Variants in CRACDL observed in about 807,000 individuals in gnomAD.
CRACDL encodes the protein CRACD-like protein.
Under a neutral mutation model 70.6 loss-of-function variants are expected in CRACDL, and 26 were observed. That is an observed-to-expected ratio of 0.37 (90% CI 0.27 to 0.51). CRACDL has a LOEUF of 0.51. CRACDL is among the 20% of genes least tolerant of loss of function. CRACDL has a pLI of 0.94. For synonymous variants in CRACDL, 618 were observed against 615.2 expected (o/e 1.00, Z -0.07); for missense variants, 1,283 against 1,376.9 (o/e 0.93, Z 1.08).
Position 98,822,140 on chromosome 2 carries a change from G to T in CRACDL, c.2133C>A (p.Ala711=). 1 of 1,600,934 alleles carries T rather than the reference G, an allele frequency of 6.2e-7. No individual in the cohort carries two copies. ...TCAGCGACCTTTCTAACCGGACCTCGGCACTGTACCTCTTCACACCCTTCA... is the reference window on the plus strand; with the variant it reads ...TCAGCGACCTTTCTAACCGGACCTCTGCACTGTACCTCTTCACACCCTTCA... The part of the protein sequence containing the change: ...QEVKGVKRYS[A]EVRLERSLTV... Residue 711 remains alanine (A), a synonymous_variant, in exon 7 of 10, where the codon GCC becomes GCA. Coordinates refer to ENST00000397899, the MANE Select transcript of CRACDL (RefSeq NM_207362.3). The surrounding 1 kb of genome is among the most constrained non-coding windows in gnomAD (Gnocchi z 4.9).
chr2:98,816,125 A>G (rs1299278201), intron 7 of CRACDL, among the ~76,000 whole-genome samples: 2 of 152,200 alleles, frequency 1.3e-5, no homozygotes, highest in African/African-American at 4.8e-5. Flanking sequence ...CACCAGTGGC[A>G]GAGCGCAGAG....
chr2:98,851,247 T>C (rs1187321005), intron 1 of CRACDL, among the ~76,000 whole-genome samples: 1 of 152,196 alleles, frequency 6.6e-6, no homozygotes, highest in African/African-American at 2.4e-5. Flanking sequence ...GTGAGTGCTA[T>C]GCCTATTATA....
At chr2:98,892,341 T>C (rs1331666139) in intron 1 of CRACDL, among the ~76,000 whole-genome samples, 1 of 151,972 alleles carries the variant, frequency 6.6e-6, no homozygotes, top group Non-Finnish European at 1.5e-5. Context: ...AGAAATGAGG[T>C]AGATCTATTT....
At chr2:98,931,082 C>T (rs550310946) in intron 1 of CRACDL, among the ~76,000 whole-genome samples, 2 of 152,080 alleles carry the variant, frequency 1.3e-5, no homozygotes, top group East Asian at 1.9e-4. Flanking sequence ...CCCAGCACTT[C>T]GGGAGGCCAT....
Position 98,794,308 on chromosome 2 carries a change from A to G in CRACDL, c.*224T>C, listed in dbSNP as rs1575309575. 8 of 440,246 alleles carry G rather than the reference A, an allele frequency of 1.8e-5. No individual in the cohort carries two copies. In the East Asian group the frequency reaches 2.8e-4, roughly 15 times the overall value. 27.3% of individuals were successfully genotyped at this position (440,246 alleles called of 1,614,324 possible). A position where few individuals can be genotyped will look rare whatever the true frequency, so the allele number is the denominator to read the frequency against. On this transcript the variant is annotated 3_prime_UTR_variant, in exon 10 of 10. Transcript: ENST00000397899. ...TTTGGGCACAGGAACTGGTTCCTGGACTTTTTCAATGTTGTTCTTGTTTCT... is the reference window on the plus strand; with the variant it reads ...TTTGGGCACAGGAACTGGTTCCTGGGCTTTTTCAATGTTGTTCTTGTTTCT...
At chr2:98,915,009 G>C (rs866155305) in intron 1 of CRACDL, among the ~76,000 whole-genome samples, 4 of 152,364 alleles carry the variant, frequency 2.6e-5, no homozygotes, top group Middle Eastern at 6.8e-3. Context: ...AGAAGACCCA[G>C]GGTCTTGGCA....
At chr2:98,905,263 A>AG (rs1258973294) in intron 1 of CRACDL, among the ~76,000 whole-genome samples, 3 of 120,498 alleles carry the variant, frequency 2.5e-5, no homozygotes, top group African/African-American at 3.8e-5. Flanking sequence ...AAAAAAAAAA[A>AG]AAAGAGAGGC....
chr2:98,864,949 T>C (rs1314398728), intron 1 of CRACDL, among the ~76,000 whole-genome samples: 1 of 152,222 alleles, frequency 6.6e-6, no homozygotes, highest in East Asian at 1.9e-4. Flanking sequence ...AAAGAAAAGT[T>C]GATACAATTT....
At chr2:98,817,195 G>A (rs1171017255) in intron 7 of CRACDL, among the ~76,000 whole-genome samples, 1 of 152,156 alleles carries the variant, frequency 6.6e-6, no homozygotes, top group Non-Finnish European at 1.5e-5. Flanking sequence ...ATGAGGAGCT[G>A]GGCGGGGGAG....
At chr2:98,873,549 G>T (rs1412358432) in intron 1 of CRACDL, among the ~76,000 whole-genome samples, 2 of 152,228 alleles carry the variant, frequency 1.3e-5, no homozygotes, top group South Asian at 4.1e-4. Context: ...CAGAACTGGA[G>T]TCCCTCTGGG....
intron 1 of CRACDL, among the ~76,000 whole-genome samples, chr2:98,916,084 A>C (rs1357615344): frequency 1.3e-5 from 2 of 152,252 alleles, no homozygotes; most frequent in Non-Finnish European, 2.9e-5. Context: ...GCATGCTTAC[A>C]AAAAGGGGAG....
At chr2:98,800,470 A>G (rs1240716396) in intron 7 of CRACDL, among the ~76,000 whole-genome samples, 1 of 152,204 alleles carries the variant, frequency 6.6e-6, no homozygotes, top group Non-Finnish European at 1.5e-5. Context: ...TGTGTGGAGA[A>G]TCAGTCTGAC....
At chr2:98,916,513 T>A (rs868195847) in intron 1 of CRACDL, among the ~76,000 whole-genome samples, 94 of 152,166 alleles carry the variant, frequency 6.2e-4, no homozygotes, top group Admixed American at 1.6e-3. Context: ...CTGTTTTTTT[T>A]AAAAAATGCT....
chr2:98,873,825 G>A (rs1471023680), intron 1 of CRACDL, among the ~76,000 whole-genome samples: 1 of 151,958 alleles, frequency 6.6e-6, no homozygotes, highest in Non-Finnish European at 1.5e-5. Context: ...GGCCAACATG[G>A]AGAAACCCCA....
intron 1 of CRACDL, 106 bp from the exon 2 acceptor site, chr2:98,846,916 C>T (rs901170611): frequency 3.4e-5 from 31 of 906,290 alleles, no homozygotes; most frequent in Non-Finnish European, 5.1e-5. Context: ...CCTGCACACA[C>T]CCCAGCAAAG....
chr2:98,832,660 T>C (rs953711140), intron 4 of CRACDL, 148 bp from the exon 5 acceptor site: 2 of 1,005,688 alleles, frequency 2.0e-6, no homozygotes, highest in African/African-American at 1.6e-5. Flanking sequence ...TGCCACCAGC[T>C]CTTCCACTGC....
intron 1 of CRACDL, among the ~76,000 whole-genome samples, chr2:98,889,289 AAG>A (rs1491133291): frequency 9.1e-5 from 2 of 22,054 alleles, no homozygotes; most frequent in East Asian, 8.9e-4. Context: ...AAGAGAGAGA[AAG>A]AAAGAAAGAA....
chr2:98,905,607 T>C (rs1436255202), intron 1 of CRACDL, among the ~76,000 whole-genome samples: 1 of 151,258 alleles, frequency 6.6e-6, no homozygotes, highest in African/African-American at 2.4e-5. Context: ...AAAGATTTAG[T>C]CTAAGACTGG....
chr2:98,880,251 G>C (rs191035701), intron 1 of CRACDL, among the ~76,000 whole-genome samples: 1 of 152,150 alleles, frequency 6.6e-6, no homozygotes, highest in Non-Finnish European at 1.5e-5. Flanking sequence ...AGAGGAGGAC[G>C]GGCTGTGCTG....
Sources: gnomAD v4.1 joint callset for allele counts (sites outside exome capture counted in the v4.1 genomes callset) on GRCh38, gnomAD v4.1.1 for gene constraint, Gnocchi (gnomAD v3.1) non-coding constraint, MANE v1.5 for transcripts, NCBI Gene and HGNC (gene_info 2026-07-23, HGNC 2026-07-21) for gene names.